Variants in VWA8 observed in about 807,000 individuals in gnomAD.
VWA8 encodes the protein von Willebrand factor A domain containing 8.
Under a neutral mutation model 241.5 loss-of-function variants are expected in VWA8, and 221 were observed. That is an observed-to-expected ratio of 0.91 (90% CI 0.82 to 1.02). The LOEUF (loss-of-function observed/expected upper bound fraction) is 1.02, where lower values mean the gene tolerates loss of function less well. Ranked by LOEUF, VWA8 falls within the 50% of genes least tolerant of loss-of-function variation. The pLI is 0.00. For missense variants in VWA8, 2,322 were observed against 2,328.7 expected (o/e 1.00, Z 0.06); for synonymous variants, 852 against 827.1 (o/e 1.03, Z -0.52).
chr13:41,658,370 C>T (rs953356881), intron 37 of VWA8, among the ~76,000 whole-genome samples: 1 of 152,236 alleles, frequency 6.6e-6, no homozygotes, highest in African/African-American at 2.4e-5. Context: ...TTGATTGCTC[C>T]ATTTTCCTTG....
intron 25 of VWA8, among the ~76,000 whole-genome samples, 161 bp downstream of exon 25, chr13:41,721,209 T>C (rs1220797105): frequency 2.6e-5 from 4 of 152,194 alleles, no homozygotes; most frequent in African/African-American, 9.6e-5. Flanking sequence ...TAATGTTCAT[T>C]GGCCTACCAT....
chr13:41,613,129 T>A (rs1263213086), intron 38 of VWA8, among the ~76,000 whole-genome samples: 1 of 152,132 alleles, frequency 6.6e-6, no homozygotes, highest in Non-Finnish European at 1.5e-5. Context: ...CACCCCCACC[T>A]CCACCTTACC....
At chr13:41,612,860 C>T (rs962234215) in intron 38 of VWA8, among the ~76,000 whole-genome samples, 3 of 152,142 alleles carry the variant, frequency 2.0e-5, no homozygotes, top group African/African-American at 7.2e-5. Context: ...TGGGGAACTA[C>T]TTAACTTCTC....
intron 43 of VWA8, among the ~76,000 whole-genome samples, chr13:41,573,108 C>CAAAAAAAAAAAA (rs71086585): frequency 1.4e-5 from 1 of 72,410 alleles, no homozygotes; most frequent in African/African-American, 4.7e-5. Flanking sequence ...GACACCGTTT[C>CAAAAAAAAAAAA]AAAAAAAAAA....
intron 37 of VWA8, among the ~76,000 whole-genome samples, chr13:41,618,728 G>A (rs551501870): frequency 3.6e-4 from 55 of 152,224 alleles, no homozygotes; most frequent in Non-Finnish European, 7.2e-4. Flanking sequence ...TATTAAATAG[G>A]GAATCCTTTC....
chr13:41,697,276 T>C (rs9594611), intron 29 of VWA8, among the ~76,000 whole-genome samples: 5,268 of 152,278 alleles, frequency 0.035, 301 homozygotes, highest in African/African-American at 0.12. Context: ...CCACCATTAT[T>C]TCTTAACTAG....
chr13:41,608,465 T>C (rs964569104), intron 39 of VWA8, among the ~76,000 whole-genome samples: 1 of 152,208 alleles, frequency 6.6e-6, no homozygotes, highest in Admixed American at 6.6e-5. Flanking sequence ...CTGCTTCACA[T>C]CCTAGTAATC....
At chr13:41,742,650 G>A (rs994240242) in intron 21 of VWA8, among the ~76,000 whole-genome samples, 1 of 152,128 alleles carries the variant, frequency 6.6e-6, no homozygotes, top group Admixed American at 6.5e-5. Flanking sequence ...AGGATATTTT[G>A]GGAAGAGCAA....
chr13:41,568,283 C>A lies in VWA8; in HGVS notation c.5632G>T (p.Gly1878Cys), dbSNP rs1197419308. Residue 1878 changes from glycine to cysteine, a missense_variant, in exon 45 of 45, where the codon GGT becomes TGT. Gly to Cys is a radical substitution (Grantham distance 159). Transcript: ENST00000379310. ...GTATCCATGGCAACGAAAGACCGAC[C>A]AGCTGGTAAAGTTCTCTGAAGCCTG... ...ATRLQRTLPAGRSFVAMDTKD... is the reference protein window; with the variant it reads ...ATRLQRTLPACRSFVAMDTKD... 5.1e-5 allele frequency: 83 copies of A among 1,614,110 alleles called. No homozygotes were observed. The highest frequency in any genetic ancestry group is 6.9e-5 in the Non-Finnish European group (82 of 1,180,008).
Position 41,692,353 on chromosome 13 carries a change from G to A in VWA8, c.3676-415C>T, listed in dbSNP as rs146536323. Among the ~76,000 whole-genome samples the A allele has an allele frequency of 4.8e-3, 723 of 152,028 alleles. 3 individuals are homozygous for A. The highest frequency in any genetic ancestry group is 0.016 in the African/African-American group (666 of 41,508). On this transcript the variant is annotated intron_variant, in intron 30 of 44. Transcript: ENST00000379310. ...AGTATGTTGACTTGCAGGGCAGAGG[G>A]TAAACCTTATTTTAAATCCATTATT... is the stretch of plus-strand genomic sequence containing the variant.
intron 20 of VWA8, among the ~76,000 whole-genome samples, chr13:41,772,007 C>T (rs1020882161): frequency 6.6e-6 from 1 of 151,198 alleles, no homozygotes; most frequent in African/African-American, 2.4e-5. Context: ...TCTCCCGCCT[C>T]AGCCTCCTGA....
At chr13:41,907,930 A>C (rs1358092183) in intron 3 of VWA8, among the ~76,000 whole-genome samples, 2 of 152,208 alleles carry the variant, frequency 1.3e-5, no homozygotes, top group East Asian at 1.9e-4. Context: ...CTACTACTTA[A>C]GCAATAATAA....
At chr13:41,856,964 T>A (rs7993467) in intron 12 of VWA8, among the ~76,000 whole-genome samples, 1 of 152,148 alleles carries the variant, frequency 6.6e-6, no homozygotes, top group Non-Finnish European at 1.5e-5. Context: ...AATAGACAGG[T>A]GTTTTACTTA....
At chr13:41,741,234 G>A (rs900358868) in intron 21 of VWA8, among the ~76,000 whole-genome samples, 3 of 152,186 alleles carry the variant, frequency 2.0e-5, no homozygotes, top group African/African-American at 7.2e-5. Flanking sequence ...CCAGCACGTA[G>A]TAGGAGTTCT....
At chr13:41,589,312 T>A (rs946387367) in intron 41 of VWA8, among the ~76,000 whole-genome samples, 5 of 152,220 alleles carry the variant, frequency 3.3e-5, no homozygotes, top group Admixed American at 6.5e-5. Context: ...TTTTCTATAT[T>A]TTTTTTCAGT....
At chr13:41,833,025 G>C (rs1044281254) in intron 13 of VWA8, among the ~76,000 whole-genome samples, 3 of 151,934 alleles carry the variant, frequency 2.0e-5, no homozygotes, top group Non-Finnish European at 4.4e-5. Context: ...CTGAAGCTGT[G>C]ACTCTGACAA....
intron 12 of VWA8, among the ~76,000 whole-genome samples, chr13:41,853,951 TTTCATCAA>T (rs1872629164): frequency 6.6e-6 from 1 of 152,176 alleles, no homozygotes; most frequent in Non-Finnish European, 1.5e-5. Context: ...CAAATTGCTG[TTTCATCAA>T]TTCCAAGATA....
chr13:41,647,360 G>C (rs1259762338), intron 37 of VWA8, among the ~76,000 whole-genome samples: 2 of 151,982 alleles, frequency 1.3e-5, no homozygotes, highest in African/African-American at 4.8e-5. Flanking sequence ...ATTAGGTAAG[G>C]ATAAATGAAC....
chr13:41,611,473 T>C, intron 39 of VWA8, 103 bp downstream of exon 39: 1 of 1,443,550 alleles, frequency 6.9e-7, no homozygotes. Context: ...AGTTGCTGCA[T>C]GAGGTGGAGG....
Sources: gnomAD v4.1 joint callset for allele counts (sites outside exome capture counted in the v4.1 genomes callset) on GRCh38, gnomAD v4.1.1 for gene constraint, MANE v1.5 for transcripts, NCBI Gene and HGNC (gene_info 2026-07-23, HGNC 2026-07-21) for gene names.